The following SLC2A11 variants were observed in gnomAD, a reference collection of about 807,000 sequenced individuals.
SLC2A11 encodes solute carrier family 2 member 11.
In SLC2A11, 43 loss-of-function variants were observed where a neutral mutation model predicts 52.1. The observed-to-expected ratio is 0.82, with a 90% CI of 0.65 to 1.06. SLC2A11 has a LOEUF of 1.06. Among genes scored for constraint, SLC2A11 ranks in the 50% least tolerant of loss-of-function variants. The pLI is 0.00. For missense variants in SLC2A11, 582 were observed against 654.2 expected (o/e 0.89, Z 1.20); for synonymous variants, 261 against 277.6 (o/e 0.94, Z 0.59).
rs1295555960 is a variant in SLC2A11 at position 23,885,319 on chromosome 22, C to G, written c.*470C>G. ...GCAGTAAGCTACAATCACACCACTG[C>G]ATGCCAGACTGGGTGACAGAGGGAG... On this transcript the variant is annotated 3_prime_UTR_variant, in exon 12 of 12. Transcript: ENST00000316185. 5.2e-6 allele frequency: 1 copy of G among 191,834 alleles called. No homozygotes were observed. The highest frequency in any genetic ancestry group is 2.3e-5 in the African/African-American group (1 of 43,084). 11.9% of individuals were successfully genotyped at this position (191,834 alleles called of 1,614,324 possible).
At position 23,877,768 on chromosome 22, in the gene SLC2A11, G is replaced by A. The variant is rs2032668118; in HGVS notation, c.593G>A (p.Cys198Tyr). The A allele has an allele frequency of 6.2e-7, 1 of 1,607,382 alleles. No individual in the cohort carries two copies. Among genetic ancestry groups the A allele is most frequent in the Admixed American group, 1.7e-5 (1 of 59,208 alleles). Residue 198 changes from cysteine (C) to tyrosine (Y), a missense_variant, in exon 6 of 12, where the codon TGC (cysteine) becomes TAC (tyrosine). Physicochemically the swap from Cys to Tyr is radical, Grantham distance 194. Transcript: ENST00000316185. ...PQAWPLLLAS[C>Y]LVPGALQLAS... is the part of the protein sequence containing the mutation. ...GCCTGGCCCCTGCTGCTGGCCAGCT[G>A]CCTGGTGCCCGGGGCGCTCCAGCTC...
chr22:23,857,581 C>CCT, upstream of SLC2A11: 1 of 1,453,132 alleles, frequency 6.9e-7, no homozygotes, highest in South Asian at 1.2e-5. Context: ...CCCCAAACCC[C>CCT]CCCCCCGCGG....
upstream of SLC2A11, chr22:23,857,075 G>GT (rs1568979947): frequency 8.4e-4 from 287 of 341,050 alleles, 2 homozygotes; most frequent in East Asian, 2.3e-3. Flanking sequence ...TGTGTGTGTG[G>GT]GGGGGGGGGG....
intron 8 of SLC2A11, chr22:23,883,529 A>AGAGCATCT (rs1450386178): frequency 2.0e-6 from 1 of 496,256 alleles, no homozygotes; most frequent in East Asian, 3.5e-5. Flanking sequence ...AGTGAGTTAG[A>AGAGCATCT]GAGCATCTAT....
In SLC2A11 at chr22:23,884,774, C is replaced by T; in HGVS notation, c.1425C>T (p.His475=). ...KTFQEISKEL[H]RLNFPRRAQG... ...TCCAAGAGATCTCCAAGGAATTACACAGACTCAACTTCCCCAGGCGGGCCC... is the reference window on the plus strand; with the variant it reads ...TCCAAGAGATCTCCAAGGAATTACATAGACTCAACTTCCCCAGGCGGGCCC... The change falls in exon 12 of 12, where the codon CAC becomes CAT. Residue 475 remains histidine (H), a synonymous_variant. Coordinates refer to ENST00000316185, the MANE Select transcript of SLC2A11 (RefSeq NM_001024939.4). This position sits in a 1 kb window ranked among gnomAD's most constrained non-coding sequence, Gnocchi z 4.3. 3 of 1,614,196 alleles carry T rather than the reference C, an allele frequency of 1.9e-6. No individual in the cohort carries two copies. Among genetic ancestry groups the T allele is most frequent in the Non-Finnish European group, 2.5e-6 (3 of 1,180,046 alleles).
chr22:23,874,174 G>A (rs1196857278), intron 3 of SLC2A11, among the ~76,000 whole-genome samples: 1 of 152,206 alleles, frequency 6.6e-6, no homozygotes, highest in Non-Finnish European at 1.5e-5. Context: ...GTAATACATG[G>A]AGGAAAATAT....
At chr22:23,857,338 G>A (rs2031870400), upstream of SLC2A11, 3 of 1,285,848 alleles carry the variant, frequency 2.3e-6, no homozygotes, top group Non-Finnish European at 3.3e-6. Flanking sequence ...GCGGCGACCA[G>A]AGTCGCTTGC....
intron 3 of SLC2A11, chr22:23,870,210 A>C: frequency 1.7e-6 from 1 of 591,978 alleles, no homozygotes; most frequent in Non-Finnish European, 3.0e-6. Flanking sequence ...GGTAATAACT[A>C]TTGCGCGGCT....
rs764637692 is a variant in SLC2A11, at chr22:23,877,121, A to T, written c.495A>T (p.Ser165=). The T allele has an allele frequency of 3.0e-5, 48 of 1,613,892 alleles. 1 individual carries two copies. The South Asian group carries it at 5.3e-4, about 18-fold the overall frequency. ...KELRGAVAMS[S]AIFTALGIVM... Reference sequence around the variant, plus strand: ...TCCGAGGAGCTGTGGCCATGAGCTCAGCCATCTTTACGGCTCTGGGGATCG... The same window carrying T: ...TCCGAGGAGCTGTGGCCATGAGCTCTGCCATCTTTACGGCTCTGGGGATCG... The change falls in exon 5 of 12, where the codon TCA becomes TCT. Residue 165 remains serine (S), a synonymous_variant. Coordinates refer to ENST00000316185, the MANE Select transcript of SLC2A11 (RefSeq NM_001024939.4).
chr22:23,879,111 A>G (rs1249498066), intron 6 of SLC2A11, among the ~76,000 whole-genome samples: 1 of 152,134 alleles, frequency 6.6e-6, no homozygotes, highest in Non-Finnish European at 1.5e-5. Context: ...CCCCCTATGA[A>G]GGGCACCCCA....
rs767171803 is a variant in SLC2A11 at position 23,882,604 on chromosome 22, C to G, written c.840C>G (p.Leu280=). Residue 280 remains leucine (L), a synonymous_variant, in exon 7 of 12, where the codon CTC becomes CTG. Coordinates refer to ENST00000316185, the MANE Select transcript of SLC2A11 (RefSeq NM_001024939.4). Reference sequence around the variant, plus strand: ...CCCTGAGGAGACAGGTGACAAGCCTCGTGGTTCTGGGCAGTGCCATGGAGC... The same window carrying G: ...CCCTGAGGAGACAGGTGACAAGCCTGGTGGTTCTGGGCAGTGCCATGGAGC... The part of the protein sequence containing the change: ...HRALRRQVTS[L]VVLGSAMELC... 4 of 1,613,460 alleles carry G rather than the reference C, an allele frequency of 2.5e-6. No homozygotes were observed. The South Asian group carries it at 4.4e-5, about 18-fold the overall frequency.
At chr22:23,857,071 TGTGGGGG>T, upstream of SLC2A11, 9 of 301,250 alleles carry the variant, frequency 3.0e-5, no homozygotes, top group Non-Finnish European at 4.4e-5. Context: ...AGTGTGTGTG[TGTGGGGG>T]GGGGGGGGTG....
chr22:23,862,442 G>T (rs2032104735), intron 2 of SLC2A11: 1 of 500,068 alleles, frequency 2.0e-6, no homozygotes, highest in Admixed American at 3.3e-5. Context: ...TAGTGATGGG[G>T]GGTCAGCCTT....
At chr22:23,868,733 C>G (rs2032355243) in intron 3 of SLC2A11, 92 bp downstream of exon 3, 1 of 1,484,418 alleles carries the variant, frequency 6.7e-7, no homozygotes, top group Non-Finnish European at 9.2e-7. Context: ...AGAGGCCCGG[C>G]AAGCTCCAGG....
At chr22:23,874,960 GC>G (rs2032568392) in intron 3 of SLC2A11, 156 bp from the exon 4 acceptor site, 18 of 739,956 alleles carry the variant, frequency 2.4e-5, no homozygotes, top group Non-Finnish European at 3.4e-5. Context: ...TCATTTGACA[GC>G]AAGGATACCA....
chr22:23,879,193 T>A (rs2032722000), intron 6 of SLC2A11, among the ~76,000 whole-genome samples: 1 of 152,142 alleles, frequency 6.6e-6, no homozygotes, highest in Non-Finnish European at 1.5e-5. Flanking sequence ...CAGGCTGGAG[T>A]GCTGTGGCTG....
upstream of SLC2A11, chr22:23,857,076 G>GT (rs996362449): frequency 3.0e-5 from 29 of 964,746 alleles, no homozygotes; most frequent in African/African-American, 4.8e-4. Context: ...GTGTGTGTGG[G>GT]GGGGGGGGGG....
chr22:23,857,665 G>C, upstream of SLC2A11: 1 of 1,119,366 alleles, frequency 8.9e-7, no homozygotes, highest in Non-Finnish European at 1.3e-6. Context: ...CTGAGTCCGC[G>C]CATGCGCCTC....
At chr22:23,879,104 C>G (rs1191512878) in intron 6 of SLC2A11, among the ~76,000 whole-genome samples, 2 of 152,150 alleles carry the variant, frequency 1.3e-5, no homozygotes, top group East Asian at 3.9e-4. Flanking sequence ...TCCCCTACCC[C>G]CTATGAAGGG....
Sources: gnomAD v4.1 joint callset for allele counts (sites outside exome capture counted in the v4.1 genomes callset) on GRCh38, gnomAD v4.1.1 for gene constraint, Gnocchi (gnomAD v3.1) non-coding constraint, MANE v1.5 for transcripts, NCBI Gene and HGNC (gene_info 2026-07-23, HGNC 2026-07-21) for gene names.